KRAS: variants seen among roughly 807,000 people sequenced by gnomAD.
KRAS encodes GTPase KRas.
Under a neutral mutation model 21.0 loss-of-function variants are expected in KRAS, and 1 was observed. The observed-to-expected ratio is 0.05, with a 90% CI of 0.02 to 0.23. The LOEUF is 0.23. Among genes scored for constraint, KRAS ranks in the 10% least tolerant of loss-of-function variants. The pLI, the probability that KRAS is intolerant of heterozygous loss-of-function variation, is 1.00. For synonymous variants in KRAS, 67 were observed against 72.5 expected (o/e 0.92, Z 0.39); for missense variants, 107 against 221.8 (o/e 0.48, Z 3.29).
At chr12:25,226,215 G>T (rs1951390183) in intron 3 of KRAS, among the ~76,000 whole-genome samples, 1 of 152,118 alleles carries the variant, frequency 6.6e-6, no homozygotes, top group Admixed American at 6.5e-5. Flanking sequence ...CAACTAGAAA[G>T]ATTTTGATTT....
chr12:25,237,812 C>T (rs1287840996), intron 2 of KRAS, among the ~76,000 whole-genome samples: 1 of 152,142 alleles, frequency 6.6e-6, no homozygotes, highest in Non-Finnish European at 1.5e-5. Flanking sequence ...ATATACTACA[C>T]GCAGGCCAAA....
intron 4 of KRAS, chr12:25,215,434 T>C: frequency 1.2e-6 from 2 of 1,613,376 alleles, no homozygotes; most frequent in Non-Finnish European, 1.7e-6. Context: ...AACTTAAACT[T>C]ACCAGATTAC....
At chr12:25,217,243 C>T (rs186959201) in intron 4 of KRAS, among the ~76,000 whole-genome samples, 44 of 152,306 alleles carry the variant, frequency 2.9e-4, no homozygotes, top group Admixed American at 7.2e-4. Flanking sequence ...ATCTGTACAT[C>T]TACTGCCTAC....
chr12:25,221,772 G>A (rs1282222930), intron 4 of KRAS, among the ~76,000 whole-genome samples: 4 of 152,000 alleles, frequency 2.6e-5, no homozygotes, highest in African/African-American at 7.3e-5. Context: ...CGTGTTTTAG[G>A]CTCATGATCA....
chr12:25,218,612 T>G (rs955387100), intron 4 of KRAS, among the ~76,000 whole-genome samples: 3 of 152,210 alleles, frequency 2.0e-5, no homozygotes, highest in African/African-American at 7.2e-5. Context: ...TTTTTCAGAC[T>G]TAGTTATTTC....
At chr12:25,215,650 G>A (rs1951247237) in intron 4 of KRAS, 2 of 1,108,868 alleles carry the variant, frequency 1.8e-6, no homozygotes, top group South Asian at 1.3e-5. Flanking sequence ...TTGAGATTAT[G>A]AGCTTGAGAT....
chr12:25,229,484 AAGAG>A (rs765340410), intron 2 of KRAS, among the ~76,000 whole-genome samples: 176 of 152,312 alleles, frequency 1.2e-3, no homozygotes, highest in Non-Finnish European at 2.2e-3. Context: ...CTTTTCTAAA[AAGAG>A]AGAGAACTGC....
intron 4 of KRAS, among the ~76,000 whole-genome samples, chr12:25,221,269 G>C (rs944438427): frequency 2.3e-4 from 34 of 150,594 alleles, no homozygotes; most frequent in Non-Finnish European, 4.1e-4. Flanking sequence ...GTCTCGCTCG[G>C]TCGTCCAGGC....
chr12:25,221,470 G>A (rs1951325087), intron 4 of KRAS, among the ~76,000 whole-genome samples: 1 of 152,126 alleles, frequency 6.6e-6, no homozygotes, highest in Non-Finnish European at 1.5e-5. Context: ...CTGACCTCAG[G>A]TGGTGTGCCC....
chr12:25,250,441 C>G (rs1460890030), intron 1 of KRAS, among the ~76,000 whole-genome samples: 1 of 152,080 alleles, frequency 6.6e-6, no homozygotes, highest in Non-Finnish European at 1.5e-5. Context: ...TCCCCAGAAG[C>G]CTCCAGCCGC....
intron 4 of KRAS, among the ~76,000 whole-genome samples, chr12:25,212,008 G>T (rs1445096696): frequency 1.3e-5 from 2 of 152,200 alleles, no homozygotes; most frequent in African/African-American, 4.8e-5. Flanking sequence ...ATATGTATGT[G>T]TATGTATCCC....
At chr12:25,216,284 A>AT (rs898439116) in intron 4 of KRAS, among the ~76,000 whole-genome samples, 6 of 152,074 alleles carry the variant, frequency 3.9e-5, no homozygotes, top group South Asian at 2.1e-4. Context: ...TTCTTTTTTT[A>AT]TTTTTTTGTT....
intron 4 of KRAS, among the ~76,000 whole-genome samples, chr12:25,212,706 G>C (rs1382901027): frequency 1.3e-5 from 2 of 151,854 alleles, no homozygotes; most frequent in African/African-American, 2.4e-5. Context: ...TCTTTTTCAG[G>C]ACTAAGAAAA....
At chr12:25,249,370 C>A (rs1417281152) in intron 1 of KRAS, among the ~76,000 whole-genome samples, 1 of 151,996 alleles carries the variant, frequency 6.6e-6, no homozygotes, top group Non-Finnish European at 1.5e-5. Context: ...GCACTCCAGC[C>A]TGGGCAACAG....
intron 2 of KRAS, among the ~76,000 whole-genome samples, chr12:25,241,746 T>C (rs747614360): frequency 2.6e-5 from 4 of 152,180 alleles, no homozygotes; most frequent in Admixed American, 2.0e-4. Flanking sequence ...TTTAAAGTAA[T>C]AGCATCTACT....
chr12:25,225,777 G>C lies in KRAS; in HGVS notation c.291-4C>G, dbSNP rs1216052497. On this transcript the variant is annotated splice_region_variant and splice_polypyrimidine_tract_variant and intron_variant, in intron 3 of 4. Transcript: ENST00000311936. ...CTTAACTCTTTTAATTTGTTCTCTG[G>C]GAAAGAAAAAAAAGTTATAGCACAG... The C allele has an allele frequency of 6.2e-7, 1 of 1,609,558 alleles. No individual in the cohort carries two copies. The highest frequency in any genetic ancestry group is 8.5e-7 in the Non-Finnish European group (1 of 1,178,130).
intron 2 of KRAS, among the ~76,000 whole-genome samples, chr12:25,243,019 T>C (rs61761078): frequency 0.035 from 5,389 of 152,284 alleles, 135 homozygotes; most frequent in Non-Finnish European, 0.052. Context: ...CCATTTTAAA[T>C]GTAGAAAAAC....
chr12:25,218,594 T>TA (rs1448566850), intron 4 of KRAS, among the ~76,000 whole-genome samples: 2 of 152,228 alleles, frequency 1.3e-5, no homozygotes, highest in African/African-American at 4.8e-5. Context: ...ACCAGTTATT[T>TA]ACCACAGTTT....
chr12:25,227,905 C>T (rs1417103207), intron 2 of KRAS, among the ~76,000 whole-genome samples: 3 of 152,036 alleles, frequency 2.0e-5, no homozygotes, highest in African/African-American at 4.8e-5. Context: ...CACCAATGTT[C>T]GCAGCAGCAC....
Sources: gnomAD v4.1 joint callset for allele counts (sites outside exome capture counted in the v4.1 genomes callset) on GRCh38, gnomAD v4.1.1 for gene constraint, MANE v1.5 for transcripts, NCBI Gene and HGNC (gene_info 2026-07-23, HGNC 2026-07-21) for gene names.